Variants in MCF2L observed in about 807,000 individuals in gnomAD.
MCF2L encodes the protein guanine nucleotide exchange factor DBS.
A neutral mutation model predicts 153.4 loss-of-function variants in MCF2L; 97 were observed. That is an observed-to-expected ratio of 0.63 (90% CI 0.54 to 0.75). MCF2L has a LOEUF of 0.75. MCF2L is among the 30% of genes least tolerant of loss of function. The pLI, the probability that MCF2L is intolerant of heterozygous loss-of-function variation, is 0.00. For missense variants in MCF2L, 1,347 were observed against 1,495.2 expected (o/e 0.90, Z 1.64); for synonymous variants, 659 against 632.2 (o/e 1.04, Z -0.64).
At position 113,044,237 on chromosome 13, in the gene MCF2L, C is replaced by T. The variant is rs116707130; in HGVS notation, c.279-1034C>T. The T allele has an allele frequency of 3.2e-3, 782 of 244,432 alleles. 6 individuals are homozygous for T. The highest frequency in any genetic ancestry group is 0.016 in the African/African-American group (719 of 45,590). The allele number at this position is 244,432 out of a possible 1,614,324, so 15.1% of individuals were successfully genotyped here. On this transcript the variant is annotated intron_variant, in intron 3 of 29. Transcript: ENST00000535094. The stretch of plus-strand genomic sequence containing the variant: ...TACCCTACATGTGAGGCATTTTTCA[C>T]GGCCAGATGCAGACAGGGACACAGA...
intron 2 of MCF2L, 107 bp downstream of exon 2, chr13:113,014,953 C>T (rs1299239473): frequency 1.6e-5 from 15 of 952,908 alleles, no homozygotes; most frequent in Non-Finnish European, 2.0e-5. Context: ...AAGGGTCATG[C>T]GAGGGGCTGT....
At chr13:112,906,273 A>C (rs1167910611) in intron 2 of MCF2L, among the ~76,000 whole-genome samples, 3 of 152,254 alleles carry the variant, frequency 2.0e-5, no homozygotes, top group Admixed American at 1.3e-4. Context: ...CACTGCAGAC[A>C]GGCCTCCTCA....
chr13:112,917,359 C>G (rs933495569), intron 2 of MCF2L: 1 of 355,334 alleles, frequency 2.8e-6, no homozygotes. Context: ...TGTTTTCACT[C>G]ATGCCCGTAT....
intron 2 of MCF2L, among the ~76,000 whole-genome samples, chr13:113,017,076 C>A (rs2084574686): frequency 6.6e-6 from 1 of 152,250 alleles, no homozygotes; most frequent in African/African-American, 2.4e-5. Context: ...GGCGCTTCTC[C>A]TGCAGATGTG....
chr13:112,895,595 A>G (rs982401989), intron 1 of MCF2L, among the ~76,000 whole-genome samples: 1 of 152,132 alleles, frequency 6.6e-6, no homozygotes, highest in Non-Finnish European at 1.5e-5. Flanking sequence ...GTGCACACCC[A>G]GGCATTGCCT....
chr13:113,056,419 CT>C (rs2087783530), intron 4 of MCF2L, among the ~76,000 whole-genome samples: 1 of 143,644 alleles, frequency 7.0e-6, no homozygotes, highest in Admixed American at 7.0e-5. Context: ...TGAGTGGGTG[CT>C]GTGTGTTTGG....
At chr13:113,093,140 C>T (rs1193155272) in intron 26 of MCF2L, among the ~76,000 whole-genome samples, 1 of 152,242 alleles carries the variant, frequency 6.6e-6, no homozygotes, top group Admixed American at 6.5e-5. Context: ...GCAGCCAGGC[C>T]CCACAGGCCA....
intron 1 of MCF2L, among the ~76,000 whole-genome samples, chr13:112,994,921 C>T (rs113279559): frequency 0.02 from 3,086 of 152,336 alleles, 81 homozygotes; most frequent in African/African-American, 0.069. Context: ...TCGGTTTTAT[C>T]GCCCAAAAAG....
At chr13:112,906,087 G>C (rs1308830143) in intron 2 of MCF2L, among the ~76,000 whole-genome samples, 1 of 152,224 alleles carries the variant, frequency 6.6e-6, no homozygotes, top group African/African-American at 2.4e-5. Context: ...GGTAAACATT[G>C]ATGAGCTTAT....
Position 113,045,745 on chromosome 13 carries a change from G to A in MCF2L, c.369+384G>A, listed in dbSNP as rs1381609966. The A allele has an allele frequency of 7.9e-6, 2 of 254,070 alleles. No individual in the cohort carries two copies. Among genetic ancestry groups the A allele is most frequent in the Non-Finnish European group, 7.8e-6 (1 of 128,018 alleles). The allele number at this position is 254,070 out of a possible 1,614,324, so 15.7% of individuals were successfully genotyped here. A position where few individuals can be genotyped will look rare whatever the true frequency, so the allele number is the denominator to read the frequency against. On this transcript the variant is annotated intron_variant, in intron 4 of 29. Transcript: ENST00000535094. The surrounding 1 kb of genome is among the most constrained non-coding windows in gnomAD (Gnocchi z 4.2). ...TCTATCTTTAGCTGTGACACTGAAC[G>A]AGCCACCACCGCCTCCCTTCCCCAG...
chr13:113,088,254 C>G, intron 23 of MCF2L, 73 bp from the exon 24 acceptor site: 2 of 1,263,068 alleles, frequency 1.6e-6, no homozygotes, highest in Non-Finnish European at 2.3e-6. Flanking sequence ...TTGGATGTTC[C>G]GAGAGTGAAA....
intron 25 of MCF2L, among the ~76,000 whole-genome samples, 165 bp from the exon 26 acceptor site, chr13:113,089,445 C>G (rs546110875): frequency 7.8e-5 from 10 of 128,322 alleles, no homozygotes; most frequent in Non-Finnish European, 1.7e-4. Context: ...GGCGTCTGCT[C>G]TCATCCAGTC....
At chr13:112,927,580 A>T (rs2081421128) in intron 2 of MCF2L, among the ~76,000 whole-genome samples, 1 of 152,210 alleles carries the variant, frequency 6.6e-6, no homozygotes, top group Non-Finnish European at 1.5e-5. Flanking sequence ...TCAACACAAT[A>T]CAGTCAATTC....
intron 2 of MCF2L, among the ~76,000 whole-genome samples, chr13:113,019,301 G>A (rs1418231161): frequency 2.3e-4 from 35 of 152,184 alleles, no homozygotes; most frequent in Non-Finnish European, 1.5e-5. Context: ...CCTGGCACGT[G>A]GTCTGAGGCT....
chr13:113,033,867 A>G (rs1410621223), intron 3 of MCF2L: 1 of 167,200 alleles, frequency 6.0e-6, no homozygotes, highest in Non-Finnish European at 1.5e-5. Context: ...CCGTCTCCAC[A>G]TCAGCATTTT....
Position 113,025,322 on chromosome 13 carries a change from G to A in MCF2L, c.278+564G>A, listed in dbSNP as rs867406810. The stretch of plus-strand genomic sequence containing the variant: ...GAGGTTTCATCATGGTGGGGTCCCC[G>A]TGACTGTGGGTCGGGGCAGAGTCTC... On this transcript the variant is annotated intron_variant, in intron 3 of 29. Coordinates refer to ENST00000535094, the MANE Select transcript of MCF2L (RefSeq NM_001112732.3). Among the ~76,000 whole-genome samples the A allele has an allele frequency of 8.6e-5, 7 of 80,966 alleles. 1 individual carries two copies. Among genetic ancestry groups the A allele is most frequent in the African/African-American group, 1.7e-4 (3 of 17,504 alleles). 53.1% of individuals were successfully genotyped at this position (80,966 alleles called of 152,430 possible). A position where few individuals can be genotyped will look rare whatever the true frequency, so the allele number is the denominator to read the frequency against.
chr13:113,074,584 G>A lies in MCF2L; in HGVS notation c.1116+21G>A, dbSNP rs767954005. ...CAGGCGTAAGGCGGGGTCCCGGCGG[G>A]GGCGGCGGGAGAGTGTGGGCAGCAT... is the stretch of plus-strand genomic sequence containing the variant. On this transcript the variant is annotated intron_variant, in intron 10 of 29. Coordinates refer to ENST00000535094, the MANE Select transcript of MCF2L (RefSeq NM_001112732.3). The surrounding 1 kb of genome is among the most constrained non-coding windows in gnomAD (Gnocchi z 4.2). 6.2e-7 allele frequency: 1 copy of A among 1,611,110 alleles called. No homozygotes were observed. Among genetic ancestry groups the A allele is most frequent in the Non-Finnish European group, 8.5e-7 (1 of 1,177,966 alleles).
chr13:112,937,701 G>A (rs2081528571), intron 2 of MCF2L, among the ~76,000 whole-genome samples: 1 of 152,072 alleles, frequency 6.6e-6, no homozygotes, highest in Non-Finnish European at 1.5e-5. Context: ...CCCTGATTGG[G>A]TGATGCAGCT....
intron 2 of MCF2L, among the ~76,000 whole-genome samples, chr13:112,962,557 A>G (rs1189014762): frequency 1.3e-5 from 2 of 152,088 alleles, no homozygotes; most frequent in African/African-American, 4.8e-5. Context: ...CAGCCTTCAC[A>G]CCTGACAGCA....
Sources: allele counts gnomAD v4.1 joint callset (sites outside exome capture counted in the v4.1 genomes callset), GRCh38; gene constraint gnomAD v4.1.1; non-coding constraint Gnocchi (gnomAD v3.1); transcripts MANE v1.5; gene names NCBI Gene and HGNC (gene_info 2026-07-23, HGNC 2026-07-21).